NCOA2: variants seen among roughly 807,000 people sequenced by gnomAD.
NCOA2 encodes the protein nuclear receptor coactivator 2.
NCOA2 carries 21 observed loss-of-function variants against 145.1 expected under a neutral mutation model. The ratio of observed to expected loss-of-function variants is 0.14; its 90% CI spans 0.10 to 0.21. The LOEUF is 0.21. Ranked by LOEUF, NCOA2 falls within the 10% of genes least tolerant of loss-of-function variation. The probability of loss-of-function intolerance (pLI) is 1.00; values close to 1 mark genes in which losing one functional copy is unlikely to be tolerated. For synonymous variants in NCOA2, 619 were observed against 637.5 expected, an observed-to-expected ratio of 0.97 and a Z score of 0.44; for missense variants, 1,472 against 1,837.6, an observed-to-expected ratio of 0.80 and a Z score of 3.64.
Position 70,126,858 on chromosome 8 carries a change from T to C in NCOA2, c.3871A>G (p.Ile1291Val). The C allele has an allele frequency of 1.2e-6, 2 of 1,613,974 alleles. No individual in the cohort carries two copies. Among genetic ancestry groups the C allele is most frequent in the Non-Finnish European group, 1.7e-6 (2 of 1,179,884 alleles). The change falls in exon 19 of 23, where the codon ATT (isoleucine) becomes GTT (valine). Residue 1291 changes from isoleucine to valine, a missense_variant. Ile to Val is a conservative substitution (Grantham distance 29). Transcript: ENST00000452400. Reference protein sequence around the residue: ...GMPATMSNPRIPQANAQQFPF... With the variant: ...GMPATMSNPRVPQANAQQFPF... Reference sequence around the variant, plus strand: ...AACTGCTGTGCATTTGCCTGGGGAATCCGAGGGTTGCTCATAGTTGCTGGC... The same window carrying C: ...AACTGCTGTGCATTTGCCTGGGGAACCCGAGGGTTGCTCATAGTTGCTGGC...
chr8:70,425,090 A>T, the NCOA2 span, among the ~76,000 whole-genome samples: 1 of 152,136 alleles, frequency 6.6e-6, no homozygotes, highest in Non-Finnish European at 1.5e-5. Flanking sequence ...CGATGACAGA[A>T]ATGCATCTTC....
intron 4 of NCOA2, among the ~76,000 whole-genome samples, chr8:70,206,429 A>T (rs1212485228): frequency 6.6e-6 from 1 of 152,208 alleles, no homozygotes; most frequent in Non-Finnish European, 1.5e-5. Context: ...TTTATTTCTT[A>T]TTGATGAATG....
intron 1 of NCOA2, among the ~76,000 whole-genome samples, chr8:70,384,686 C>A (rs544484104): frequency 6.6e-6 from 1 of 151,918 alleles, no homozygotes; most frequent in Non-Finnish European, 1.5e-5. Flanking sequence ...TAAAATAACC[C>A]CCAAATTTTT....
intron 2 of NCOA2, among the ~76,000 whole-genome samples, chr8:70,226,359 CA>C (rs1820635215): frequency 6.6e-6 from 1 of 151,900 alleles, no homozygotes; most frequent in South Asian, 2.1e-4. Flanking sequence ...AAAACCTAGG[CA>C]AACCAAACGG....
chr8:70,123,550 C>CA (rs1336179313), intron 21 of NCOA2, among the ~76,000 whole-genome samples: 5 of 151,358 alleles, frequency 3.3e-5, no homozygotes, highest in Admixed American at 3.3e-4. Flanking sequence ...CGATAACCCC[C>CA]AAATAGAGCT....
chr8:70,336,824 G>A (rs866058260), intron 1 of NCOA2, among the ~76,000 whole-genome samples: 2 of 152,062 alleles, frequency 1.3e-5, no homozygotes, highest in Admixed American at 6.6e-5. Context: ...TGTATATACC[G>A]CATTCTGCTT....
chr8:70,420,544 G>A, the NCOA2 span, among the ~76,000 whole-genome samples: 1 of 152,204 alleles, frequency 6.6e-6, no homozygotes, highest in African/African-American at 2.4e-5. Context: ...TTGTGGCAAA[G>A]AAGTTCTTTG....
intron 1 of NCOA2, among the ~76,000 whole-genome samples, chr8:70,403,014 C>T (rs1275016715): frequency 1.4e-5 from 2 of 145,042 alleles, no homozygotes; most frequent in Admixed American, 1.4e-4. Context: ...CGGGCCCGGG[C>T]CACCCGCCGG....
intron 1 of NCOA2, among the ~76,000 whole-genome samples, chr8:70,350,668 T>A (rs551775310): frequency 6.6e-6 from 1 of 152,350 alleles, no homozygotes; most frequent in South Asian, 2.1e-4. Flanking sequence ...TTATTTTCAC[T>A]GTTTCTCTTC....
intron 4 of NCOA2, among the ~76,000 whole-genome samples, chr8:70,178,273 A>C (rs1354545074): frequency 6.6e-6 from 1 of 152,244 alleles, no homozygotes. Flanking sequence ...AATTTGGGGT[A>C]AGGGCCTACA....
At chr8:70,343,373 CA>C (rs11453909) in intron 1 of NCOA2, among the ~76,000 whole-genome samples, 2 of 151,538 alleles carry the variant, frequency 1.3e-5, no homozygotes, top group East Asian at 1.9e-4. Flanking sequence ...AAAGTTGATC[CA>C]AAAAAATCAA....
At chr8:70,419,997 C>A in the NCOA2 span, among the ~76,000 whole-genome samples, 4 of 152,140 alleles carry the variant, frequency 2.6e-5, no homozygotes, top group African/African-American at 9.7e-5. Flanking sequence ...CTCTGGCAAG[C>A]GTATATGTCA....
At chr8:70,337,477 T>C (rs149380500) in intron 1 of NCOA2, among the ~76,000 whole-genome samples, 2 of 152,274 alleles carry the variant, frequency 1.3e-5, no homozygotes, top group Admixed American at 6.5e-5. Context: ...AGTGATCCTA[T>C]ACATAATAGC....
chr8:70,220,380 C>T (rs976079152), intron 2 of NCOA2, among the ~76,000 whole-genome samples: 1 of 152,054 alleles, frequency 6.6e-6, no homozygotes, highest in Admixed American at 6.5e-5. Flanking sequence ...CAGTTTCTAC[C>T]AGATGTTGGG....
intron 22 of NCOA2, among the ~76,000 whole-genome samples, chr8:70,117,957 A>G (rs533502832): frequency 2.6e-5 from 4 of 152,358 alleles, no homozygotes; most frequent in African/African-American, 4.8e-5. Context: ...TGGAGGTTAC[A>G]TGGCAGCTGA....
At chr8:70,127,861 T>G (rs1808616284) in intron 18 of NCOA2, among the ~76,000 whole-genome samples, 1 of 152,210 alleles carries the variant, frequency 6.6e-6, no homozygotes, top group South Asian at 2.1e-4. Flanking sequence ...TGTAAACTAG[T>G]GTCCTCTGTG....
At chr8:70,325,437 CTT>C (rs534793633) in intron 1 of NCOA2, among the ~76,000 whole-genome samples, 2 of 146,342 alleles carry the variant, frequency 1.4e-5, no homozygotes, top group African/African-American at 5.0e-5. Flanking sequence ...AACATAACAT[CTT>C]TTTTTTTTTT....
At chr8:70,300,929 C>T (rs956056270) in intron 1 of NCOA2, among the ~76,000 whole-genome samples, 7 of 152,248 alleles carry the variant, frequency 4.6e-5, no homozygotes, top group South Asian at 2.1e-4. Context: ...GTAGGCCCTG[C>T]TACTATCATG....
At chr8:70,451,046 T>A in the NCOA2 span, among the ~76,000 whole-genome samples, 1 of 149,420 alleles carries the variant, frequency 6.7e-6, no homozygotes, top group African/African-American at 2.4e-5. Context: ...TGAAAGCCTG[T>A]CTCTACAAAA....
Sources: gnomAD v4.1 joint callset for allele counts (sites outside exome capture counted in the v4.1 genomes callset) on GRCh38, gnomAD v4.1.1 for gene constraint, MANE v1.5 for transcripts, NCBI Gene and HGNC (gene_info 2026-07-23, HGNC 2026-07-21) for gene names.